Variants in GNAL observed in about 807,000 individuals in gnomAD.
The protein encoded by GNAL is G protein subunit alpha L, also known as guanine nucleotide-binding protein G(olf) subunit alpha.
In GNAL, 18 loss-of-function variants were observed where a neutral mutation model predicts 55.1. That is an observed-to-expected ratio of 0.33 (90% CI 0.23 to 0.48). The LOEUF (loss-of-function observed/expected upper bound fraction) is 0.48. GNAL is among the 20% of genes least tolerant of loss of function. GNAL has a pLI of 0.99. For synonymous variants in GNAL, 253 were observed against 237.0 expected (o/e 1.07, Z -0.62); for missense variants, 412 against 614.1 (o/e 0.67, Z 3.48).
chr18:11,819,985 C>T (rs1311365927), intron 4 of GNAL, among the ~76,000 whole-genome samples: 1 of 151,924 alleles, frequency 6.6e-6, no homozygotes, highest in East Asian at 1.9e-4. Context: ...GAGTTGGGAG[C>T]TTATATACCA....
chr18:11,826,291 G>C (rs1183369159), intron 5 of GNAL, among the ~76,000 whole-genome samples: 2 of 19,678 alleles, frequency 1.0e-4, no homozygotes, highest in African/African-American at 8.3e-5. Context: ...GGAGCGGGGA[G>C]GGGGAAGGAA....
At chr18:11,709,847 G>A (rs1040619745) in intron 1 of GNAL, among the ~76,000 whole-genome samples, 5 of 152,160 alleles carry the variant, frequency 3.3e-5, no homozygotes, top group African/African-American at 1.2e-4. Flanking sequence ...CTGAATAGAA[G>A]TGATGAGAGT....
chr18:11,851,428 G>A (rs1598427768), intron 5 of GNAL: 1 of 1,425,906 alleles, frequency 7.0e-7, no homozygotes, highest in South Asian at 1.5e-5. Flanking sequence ...CAAAGGAGCG[G>A]CGGCCGGGAG....
intron 4 of GNAL, among the ~76,000 whole-genome samples, chr18:11,776,678 A>C (rs1277585228): frequency 2.0e-5 from 3 of 147,342 alleles, no homozygotes; most frequent in African/African-American, 7.6e-5. Context: ...ATTGCACTCC[A>C]GCCTGGGCAA....
chr18:11,802,318 C>CTT (rs1205661097), intron 4 of GNAL, among the ~76,000 whole-genome samples: 3 of 152,272 alleles, frequency 2.0e-5, no homozygotes, highest in Admixed American at 2.0e-4. Context: ...ATGTCAAGTC[C>CTT]TTACTGGATT....
At chr18:11,842,818 C>G (rs1281175366) in intron 5 of GNAL, among the ~76,000 whole-genome samples, 1 of 152,062 alleles carries the variant, frequency 6.6e-6, no homozygotes, top group African/African-American at 2.4e-5. Context: ...GTTTGGAGAC[C>G]CCTGACTTAG....
At chr18:11,851,392 A>T (rs11877780) in intron 5 of GNAL, 13 of 1,281,122 alleles carry the variant, frequency 1.0e-5, no homozygotes, top group African/African-American at 9.0e-5. Flanking sequence ...CGCCGCTCAC[A>T]GTAGAAACAG....
chr18:11,848,325 CTG>C (rs1010344654), intron 5 of GNAL, among the ~76,000 whole-genome samples: 1 of 152,136 alleles, frequency 6.6e-6, no homozygotes, highest in African/African-American at 2.4e-5. Flanking sequence ...CCTGGTCTCT[CTG>C]GGAAGATGGC....
intron 4 of GNAL, among the ~76,000 whole-genome samples, chr18:11,797,622 T>C (rs2034424141): frequency 6.6e-6 from 1 of 152,066 alleles, no homozygotes; most frequent in African/African-American, 2.4e-5. Context: ...TGTGTACCTG[T>C]AGTCCCAGCT....
At chr18:11,711,204 G>A (rs574604907) in intron 1 of GNAL, among the ~76,000 whole-genome samples, 2 of 152,228 alleles carry the variant, frequency 1.3e-5, no homozygotes, top group Non-Finnish European at 2.9e-5. Flanking sequence ...GCTTTATCCT[G>A]TTCGTGATTC....
chr18:11,733,142 C>T (rs1318949268), intron 1 of GNAL, among the ~76,000 whole-genome samples: 1 of 152,152 alleles, frequency 6.6e-6, no homozygotes, highest in African/African-American at 2.4e-5. Flanking sequence ...CGCCTGGTGG[C>T]GCTGTGGCAC....
intron 4 of GNAL, among the ~76,000 whole-genome samples, chr18:11,778,544 C>A (rs1365497378): frequency 3.9e-5 from 6 of 152,112 alleles, no homozygotes; most frequent in African/African-American, 1.4e-4. Flanking sequence ...AGTGACGAAA[C>A]CTTGGGAAAT....
At chr18:11,838,838 C>G (rs2035551974) in intron 5 of GNAL, among the ~76,000 whole-genome samples, 1 of 152,116 alleles carries the variant, frequency 6.6e-6, no homozygotes, top group Non-Finnish European at 1.5e-5. Context: ...AATACTGATT[C>G]AAAATACAGT....
intron 4 of GNAL, among the ~76,000 whole-genome samples, chr18:11,774,811 T>A (rs377166141): frequency 5.3e-5 from 8 of 152,198 alleles, no homozygotes; most frequent in Admixed American, 3.9e-4. Flanking sequence ...CTTGGTGTGG[T>A]CACTTCACCA....
chr18:11,795,434 G>C (rs1019717329), intron 4 of GNAL, among the ~76,000 whole-genome samples: 12 of 149,082 alleles, frequency 8.0e-5, no homozygotes, highest in Non-Finnish European at 1.2e-4. Flanking sequence ...AACAACATTT[G>C]TACTATCATT....
rs970249011 is a variant in GNAL, at chr18:11,751,783, G to C, written c.377-1070G>C. 6.5e-6 allele frequency: 3 copies of C among 462,486 alleles called. No homozygotes were observed. Among genetic ancestry groups the C allele is most frequent in the Non-Finnish European group, 8.5e-6 (3 of 351,832 alleles). 28.6% of individuals were successfully genotyped at this position (462,486 alleles called of 1,614,324 possible). A position where few individuals can be genotyped will look rare whatever the true frequency, so the allele number is the denominator to read the frequency against. ...ACAGCGCGGTAGCGCCTCTCCGAGA[G>C]CTCCGGGACCAGCGGCCCGGCCGCC... On this transcript the variant is annotated intron_variant, in intron 1 of 11. Coordinates refer to ENST00000334049, the MANE Select transcript of GNAL (RefSeq NM_182978.4). The surrounding 1 kb of genome is among the most constrained non-coding windows in gnomAD (Gnocchi z 4.5).
chr18:11,752,607 C>T lies in GNAL; in HGVS notation c.377-246C>T, dbSNP rs774550573. The T allele has an allele frequency of 1.3e-6, 2 of 1,566,290 alleles. No individual in the cohort carries two copies. The highest frequency in any genetic ancestry group is 8.6e-7 in the Non-Finnish European group (1 of 1,162,714). On this transcript the variant is annotated intron_variant, in intron 1 of 11. Coordinates refer to ENST00000334049, the MANE Select transcript of GNAL (RefSeq NM_182978.4). The surrounding 1 kb of genome is among the most constrained non-coding windows in gnomAD (Gnocchi z 4.5). ...AGGCCGAGGGGCGCGCGGCGGCTCC[C>T]GGCCCCAGCGGAGCGCACAGCCAGG...
intron 4 of GNAL, among the ~76,000 whole-genome samples, chr18:11,817,147 A>G (rs1387973618): frequency 6.6e-6 from 1 of 152,204 alleles, no homozygotes; most frequent in Non-Finnish European, 1.5e-5. Flanking sequence ...TGACACTAAT[A>G]ATAATTGAAG....
In GNAL at chr18:11,689,683, A is replaced by T. The variant is rs767065649; in HGVS notation, c.120A>T (p.Pro40=). 1.4e-6 allele frequency: 2 copies of T among 1,457,568 alleles called. No homozygotes were observed. The highest frequency in any genetic ancestry group is 3.1e-5 in the African/African-American group (2 of 65,096). 90.3% of individuals were successfully genotyped at this position (1,457,568 alleles called of 1,614,324 possible). The change falls in exon 1 of 12, where the codon CCA becomes CCT. Residue 40 remains proline (P), a synonymous_variant. Transcript: ENST00000334049. ...AQPAPAPALA[P]VRAAARDTAR... is the part of the protein sequence containing the mutation. ...CCGCCCCGGCCCCGGCCCTGGCCCC[A>T]GTCCGGGCGGCCGCAAGGGACACGG...
Sources: gnomAD v4.1 joint callset for allele counts (sites outside exome capture counted in the v4.1 genomes callset) on GRCh38, gnomAD v4.1.1 for gene constraint, Gnocchi (gnomAD v3.1) non-coding constraint, MANE v1.5 for transcripts, NCBI Gene and HGNC (gene_info 2026-07-23, HGNC 2026-07-21) for gene names.